Variants in ROBO1 observed in about 807,000 individuals in gnomAD.
ROBO1 encodes roundabout guidance receptor 1.
A neutral mutation model predicts 195.9 loss-of-function variants in ROBO1; 149 were observed. The observed-to-expected ratio is 0.76, with a 90% confidence interval of 0.67 to 0.87. The LOEUF (loss-of-function observed/expected upper bound fraction) is 0.87. Ranked by LOEUF, ROBO1 falls within the 40% of genes least tolerant of loss-of-function variation. The pLI is 0.00. For missense variants in ROBO1, 1,933 were observed against 2,068.3 expected (o/e 0.93, Z 1.27); for synonymous variants, 816 against 733.2 (o/e 1.11, Z -1.82).
chr3:79,043,594 C>T (rs147495369), intron 3 of ROBO1, among the ~76,000 whole-genome samples: 64 of 151,178 alleles, frequency 4.2e-4, no homozygotes, highest in Admixed American at 1.3e-3. Context: ...TTCTTGCAAA[C>T]GACTGGTTTT....
At chr3:79,184,178 TA>T (rs1291069926) in intron 2 of ROBO1, among the ~76,000 whole-genome samples, 1 of 152,206 alleles carries the variant, frequency 6.6e-6, no homozygotes, top group African/African-American at 2.4e-5. Flanking sequence ...ATATGACTTT[TA>T]AATACCCCAA....
At chr3:79,532,959 T>A (rs1180042469) in intron 2 of ROBO1, 1 of 290,298 alleles carries the variant, frequency 3.4e-6, no homozygotes, top group Non-Finnish European at 6.8e-6. Flanking sequence ...AGGCATTATA[T>A]GTAATAGTTA....
intron 4 of ROBO1, among the ~76,000 whole-genome samples, chr3:78,793,738 AAAT>A (rs1232061631): frequency 1.3e-5 from 2 of 152,164 alleles, no homozygotes; most frequent in African/African-American, 4.8e-5. Flanking sequence ...TAGAAACTGA[AAAT>A]AATAAGATAT....
At chr3:79,760,974 G>C (rs1038139003) in intron 1 of ROBO1, among the ~76,000 whole-genome samples, 1 of 150,564 alleles carries the variant, frequency 6.6e-6, no homozygotes, top group Non-Finnish European at 1.5e-5. Context: ...GCTACAGTCT[G>C]TTATAGTAAG....
intron 2 of ROBO1, among the ~76,000 whole-genome samples, chr3:79,401,746 A>G (rs2037375457): frequency 6.6e-6 from 1 of 151,838 alleles, no homozygotes; most frequent in African/African-American, 2.4e-5. Context: ...AAATACAGGT[A>G]CTCTGCCAAT....
chr3:79,737,839 C>T (rs557483611), intron 1 of ROBO1, among the ~76,000 whole-genome samples: 2 of 152,250 alleles, frequency 1.3e-5, no homozygotes, highest in South Asian at 4.1e-4. Context: ...AATTATTTCC[C>T]CCTGCAGTCT....
At chr3:78,993,020 T>C (rs903143549) in intron 3 of ROBO1, among the ~76,000 whole-genome samples, 10 of 152,136 alleles carry the variant, frequency 6.6e-5, no homozygotes, top group African/African-American at 2.4e-4. Flanking sequence ...TCTCTAAGTA[T>C]TTCACAACAC....
At chr3:79,182,613 T>A (rs1206108154) in intron 2 of ROBO1, among the ~76,000 whole-genome samples, 2 of 150,558 alleles carry the variant, frequency 1.3e-5, no homozygotes, top group Admixed American at 6.6e-5. Context: ...GGGTAGGAGA[T>A]AAGGCTGAAA....
chr3:78,772,002 A>T (rs2083388148), intron 4 of ROBO1, among the ~76,000 whole-genome samples: 1 of 152,196 alleles, frequency 6.6e-6, no homozygotes. Context: ...TAGGCATTAA[A>T]TATAATGTTC....
chr3:79,664,978 T>A (rs181841453), intron 1 of ROBO1, among the ~76,000 whole-genome samples: 1 of 152,128 alleles, frequency 6.6e-6, no homozygotes, highest in East Asian at 1.9e-4. Flanking sequence ...ATTTTGCATA[T>A]ATATTAATAT....
At chr3:78,814,062 C>T (rs547054589) in intron 4 of ROBO1, among the ~76,000 whole-genome samples, 2 of 152,046 alleles carry the variant, frequency 1.3e-5, no homozygotes, top group South Asian at 4.1e-4. Flanking sequence ...GTTTCTGAGG[C>T]TAATATTTAA....
chr3:79,266,017 A>T (rs1262136207), intron 2 of ROBO1, among the ~76,000 whole-genome samples: 1 of 151,622 alleles, frequency 6.6e-6, no homozygotes, highest in East Asian at 1.9e-4. Flanking sequence ...GAGTACATAA[A>T]ATTTTTACTC....
At chr3:79,070,478 AG>A (rs1270545799) in intron 3 of ROBO1, among the ~76,000 whole-genome samples, 2 of 151,972 alleles carry the variant, frequency 1.3e-5, no homozygotes, top group South Asian at 2.1e-4. Context: ...TTAGTTTTAT[AG>A]GCTTTTTTGT....
intron 3 of ROBO1, among the ~76,000 whole-genome samples, chr3:78,952,730 T>C (rs1353809708): frequency 6.6e-6 from 1 of 152,160 alleles, no homozygotes; most frequent in South Asian, 2.1e-4. Flanking sequence ...CCCAAAATTA[T>C]ACATAGTACA....
intron 5 of ROBO1, among the ~76,000 whole-genome samples, chr3:78,745,137 A>T (rs1197104416): frequency 1.3e-5 from 2 of 151,764 alleles, no homozygotes; most frequent in African/African-American, 2.4e-5. Flanking sequence ...GTGAAACCTC[A>T]TCTCTACTAA....
chr3:78,956,156 T>G (rs975686988), intron 3 of ROBO1, among the ~76,000 whole-genome samples: 1 of 152,176 alleles, frequency 6.6e-6, no homozygotes, highest in African/African-American at 2.4e-5. Flanking sequence ...GTACATACTT[T>G]AGTAAATATT....
At chr3:78,893,822 G>C (rs1369693234) in intron 4 of ROBO1, among the ~76,000 whole-genome samples, 5 of 151,974 alleles carry the variant, frequency 3.3e-5, no homozygotes. Flanking sequence ...TTTTCCTCTA[G>C]GATCTGGTAC....
chr3:79,348,214 A>C (rs2109253117), intron 2 of ROBO1, among the ~76,000 whole-genome samples: 1 of 151,374 alleles, frequency 6.6e-6, no homozygotes, highest in South Asian at 2.1e-4. Context: ...CCATCTCAAA[A>C]AAAAAAAAAA....
At chr3:79,223,998 T>A (rs1212753831) in intron 2 of ROBO1, among the ~76,000 whole-genome samples, 13 of 152,198 alleles carry the variant, frequency 8.5e-5, no homozygotes, top group Admixed American at 8.5e-4. Flanking sequence ...TGTGTATATG[T>A]ACCTCTTATA....
Sources: allele counts gnomAD v4.1 joint callset (sites outside exome capture counted in the v4.1 genomes callset), GRCh38; gene constraint gnomAD v4.1.1; transcripts MANE v1.5; gene names NCBI Gene and HGNC (gene_info 2026-07-23, HGNC 2026-07-21).